The following MYO5A variants were observed in gnomAD, a reference collection of about 807,000 sequenced individuals.
The protein encoded by MYO5A is myosin VA.
In MYO5A, 98 loss-of-function variants were observed where a neutral mutation model predicts 249.7. The ratio of observed to expected loss-of-function variants is 0.39; its 90% CI spans 0.33 to 0.46. The LOEUF is 0.46. MYO5A is among the 20% of genes least tolerant of loss of function. MYO5A has a pLI of 0.98. For missense variants in MYO5A, 1,696 were observed against 2,308.8 expected (o/e 0.73, Z 5.44); for synonymous variants, 778 against 810.6 (o/e 0.96, Z 0.68).
intron 18 of MYO5A, among the ~76,000 whole-genome samples, chr15:52,377,278 C>A (rs952140374): frequency 6.6e-6 from 1 of 151,808 alleles, no homozygotes; most frequent in Admixed American, 6.6e-5. Flanking sequence ...AAAAATTAGC[C>A]GGGCATGGTG....
intron 1 of MYO5A, among the ~76,000 whole-genome samples, chr15:52,485,904 G>A (rs2076810488): frequency 6.6e-6 from 1 of 152,078 alleles, no homozygotes; most frequent in Non-Finnish European, 1.5e-5. Flanking sequence ...TCCTTTAGGC[G>A]AATCTTAGGA....
chr15:52,351,115 T>C, intron 28 of MYO5A, 139 bp downstream of exon 28: 2 of 794,406 alleles, frequency 2.5e-6, no homozygotes, highest in Non-Finnish European at 4.3e-6. Flanking sequence ...ACACTGGGAT[T>C]TTTTTAAAAA....
At chr15:52,487,848 C>T (rs929178331) in intron 1 of MYO5A, among the ~76,000 whole-genome samples, 1 of 152,198 alleles carries the variant, frequency 6.6e-6, no homozygotes, top group African/African-American at 2.4e-5. Flanking sequence ...TCACTCACTA[C>T]CCTCAATCCC....
chr15:52,385,114 G>C (rs2141140521), intron 14 of MYO5A, among the ~76,000 whole-genome samples: 1 of 152,090 alleles, frequency 6.6e-6, no homozygotes, highest in African/African-American at 2.4e-5. Context: ...AAATTTTATG[G>C]AAAAAAAGAG....
chr15:52,439,520 C>T (rs1595686766), intron 1 of MYO5A, among the ~76,000 whole-genome samples: 1 of 152,204 alleles, frequency 6.6e-6, no homozygotes, highest in Admixed American at 6.5e-5. Flanking sequence ...CAGCCAAGTT[C>T]CTGGCCCATA....
chr15:52,407,151 G>A, intron 8 of MYO5A, 141 bp downstream of exon 8: 5 of 698,100 alleles, frequency 7.2e-6, no homozygotes, highest in Non-Finnish European at 1.0e-5. Context: ...CCCATTTGCT[G>A]TCTAAATGTG....
chr15:52,485,456 C>T lies in MYO5A; in HGVS notation c.27+43324G>A, dbSNP rs140703528. ...TAGCCTAAGTCAGTTGATCTCTGCA[C>T]GAGACCTCTGATTAGATCATGAGAT... On this transcript the variant is annotated intron_variant, in intron 1 of 41. Coordinates refer to ENST00000399233, the MANE Select transcript of MYO5A (RefSeq NM_001382347.1). 3.2e-4 allele frequency among the ~76,000 whole-genome samples: 49 copies of T among 152,176 alleles called. No individual in the cohort carries two copies. The East Asian group carries it at 4.8e-3, about 15-fold the overall frequency.
At chr15:52,399,320 T>G (rs756305491) in intron 9 of MYO5A, among the ~76,000 whole-genome samples, 1 of 152,154 alleles carries the variant, frequency 6.6e-6, no homozygotes, top group Non-Finnish European at 1.5e-5. Context: ...TCTTCAGAGA[T>G]GAGATTTCAT....
At chr15:52,340,599 T>G (rs1371081236) in intron 31 of MYO5A, among the ~76,000 whole-genome samples, 1 of 152,174 alleles carries the variant, frequency 6.6e-6, no homozygotes, top group African/African-American at 2.4e-5. Context: ...TCTTTCTGCA[T>G]TATATAAAGT....
At chr15:52,461,690 T>G (rs1311277720) in intron 1 of MYO5A, among the ~76,000 whole-genome samples, 2 of 152,158 alleles carry the variant, frequency 1.3e-5, no homozygotes, top group Admixed American at 6.5e-5. Context: ...CAGCCAGGTG[T>G]GGTCATTCAC....
At position 52,360,059 on chromosome 15, in the gene MYO5A, T is replaced by C. The variant is rs1254926423; in HGVS notation, c.3332A>G (p.Lys1111Arg). Residue 1111 changes from lysine to arginine, a missense_variant, in exon 25 of 42, where the codon AAG becomes AGG. By Grantham distance (26) the Lys-to-Arg change is conservative. Around this residue, in one of 5 missense-constraint regions of MYO5A, gnomAD observed 412 missense variants for 453.3 expected, o/e 0.91. Transcript: ENST00000399233. Reference protein sequence around the residue: ...LMVHVPKPGHKRTDSTHSSNE... With the variant: ...LMVHVPKPGHRRTDSTHSSNE... ...GCTGCTGTGGGTGGAGTCTGTTCTC[T>C]TGTGTCCAGGCTTAGGCACATGCTG... 5 of 1,613,526 alleles carry C rather than the reference T, an allele frequency of 3.1e-6. No individual in the cohort carries two copies. Among genetic ancestry groups the C allele is most frequent in the Non-Finnish European group, 4.2e-6 (5 of 1,179,604 alleles).
chr15:52,422,961 T>C (rs2075312139), intron 4 of MYO5A, among the ~76,000 whole-genome samples: 1 of 152,150 alleles, frequency 6.6e-6, no homozygotes, highest in Admixed American at 6.5e-5. Context: ...CGTAGATCAC[T>C]GTAATCCTGA....
chr15:52,354,578 G>A (rs1005508506), intron 25 of MYO5A, among the ~76,000 whole-genome samples: 6 of 152,286 alleles, frequency 3.9e-5, no homozygotes, highest in East Asian at 3.9e-4. Flanking sequence ...GAAGTAGGCC[G>A]GGCACGGTGG....
rs572641394 is a variant in MYO5A at position 52,369,919 on chromosome 15, G to A, written c.3066+250C>T. Among the ~76,000 whole-genome samples, 3 of 138,544 alleles carry A rather than the reference G, an allele frequency of 2.2e-5. No individual in the cohort carries two copies. The South Asian group carries it at 6.9e-4, about 32-fold the overall frequency. 90.9% of individuals were successfully genotyped at this position (138,544 alleles called of 152,430 possible). Reference sequence around the variant, plus strand: ...ATATACAAGTGTTAGTAGGTACTTGGCCATTCTCTCCTAAAAATACAGCTT... The same window carrying A: ...ATATACAAGTGTTAGTAGGTACTTGACCATTCTCTCCTAAAAATACAGCTT... On this transcript the variant is annotated intron_variant, in intron 22 of 41. Transcript: ENST00000399233.
intron 1 of MYO5A, among the ~76,000 whole-genome samples, chr15:52,450,843 G>GTTTTT (rs56842960): frequency 4.8e-4 from 41 of 84,570 alleles, no homozygotes; most frequent in Middle Eastern, 0.011. Flanking sequence ...CACTACTGTG[G>GTTTTT]TTTTTTTTTT....
intron 19 of MYO5A, 59 bp downstream of exon 19, chr15:52,376,271 ATGGTGACCAGTCAAAAC>A (rs1248605208): frequency 1.5e-6 from 2 of 1,378,760 alleles, no homozygotes; most frequent in Non-Finnish European, 2.0e-6. Flanking sequence ...CTTTTCAGCT[ATGGTGACCAGTCAAAAC>A]TGTCCTTGGT....
Position 52,505,937 on chromosome 15 carries a change from G to A in MYO5A, c.27+22843C>T, listed in dbSNP as rs543420536. ...AAAAAATTTTTCAGACTCTTGGCTG[G>A]GCGCAGTGGCTCATACCTGTAATCC... On this transcript the variant is annotated intron_variant, in intron 1 of 41. Coordinates refer to ENST00000399233, the MANE Select transcript of MYO5A (RefSeq NM_001382347.1). 1.2e-3 allele frequency: 1,601 copies of A among 1,326,754 alleles called. 3 individuals are homozygous for A. Among genetic ancestry groups the A allele is most frequent in the Non-Finnish European group, 1.5e-3 (1,440 of 984,348 alleles). 82.2% of individuals were successfully genotyped at this position (1,326,754 alleles called of 1,614,324 possible).
At chr15:52,520,216 T>C (rs530940103) in intron 1 of MYO5A, among the ~76,000 whole-genome samples, 114 of 152,324 alleles carry the variant, frequency 7.5e-4, no homozygotes, top group Admixed American at 1.9e-3. Flanking sequence ...TTTGACTACC[T>C]AGCACTTTTC....
rs1813032899 is a variant in MYO5A at position 52,309,909 on chromosome 15, A to G, written c.*3787T>C. On this transcript the variant is annotated 3_prime_UTR_variant, in exon 42 of 42. Transcript: ENST00000399233. ...GGGCATTGTGTGAGGACTTCTCAGG[A>G]TGGTGGCAGGTGCCCATTTTCCTAG... 1 of 151,956 alleles carries G rather than the reference A, an allele frequency of 6.6e-6. No individual in the cohort carries two copies. The highest frequency in any genetic ancestry group is 6.6e-5 in the Admixed American group (1 of 15,236). The allele number at this position is 151,956 out of a possible 1,614,324, so 9.4% of individuals were successfully genotyped here. A position where few individuals can be genotyped will look rare whatever the true frequency, so the allele number is the denominator to read the frequency against.
Sources: allele counts gnomAD v4.1 joint callset (sites outside exome capture counted in the v4.1 genomes callset), GRCh38; gene constraint gnomAD v4.1.1; regional missense constraint gnomAD v4.1.1; transcripts MANE v1.5; gene names NCBI Gene and HGNC (gene_info 2026-07-23, HGNC 2026-07-21).